The following PDZRN4 variants were observed in gnomAD, a reference collection of about 807,000 sequenced individuals.
PDZRN4 encodes PDZ domain containing ring finger 4.
Under a neutral mutation model 99.0 loss-of-function variants are expected in PDZRN4, and 70 were observed. That is an observed-to-expected ratio of 0.71 (90% CI 0.58 to 0.86). PDZRN4 has a LOEUF of 0.86. Ranked by LOEUF, PDZRN4 falls within the 40% of genes least tolerant of loss-of-function variation. The pLI is 0.00. For missense variants in PDZRN4, 1,474 were observed against 1,331.2 expected (o/e 1.11, Z -1.67); for synonymous variants, 551 against 501.6 (o/e 1.10, Z -1.32).
In PDZRN4 at chr12:41,188,621, T is replaced by C; in HGVS notation, c.166T>C (p.Cys56Arg). The C allele has an allele frequency of 6.5e-7, 1 of 1,539,518 alleles. No homozygotes were observed. Among genetic ancestry groups the C allele is most frequent in the Non-Finnish European group, 8.7e-7 (1 of 1,149,530 alleles). ...AVRRRRCPLQ[C>R]QPLAPGELYR... ...GCGGAGGCGCCGGTGCCCGCTGCAG[T>C]GCCAGCCCTTGGCGCCCGGCGAGCT... Residue 56 changes from cysteine to arginine, a missense_variant, in exon 1 of 10, where the codon TGC becomes CGC. Cys to Arg is a radical substitution (Grantham distance 180, BLOSUM62 -3). Transcript: ENST00000402685.
intron 3 of PDZRN4, among the ~76,000 whole-genome samples, chr12:41,211,307 T>C (rs962186980): frequency 1.3e-5 from 2 of 152,062 alleles, no homozygotes; most frequent in African/African-American, 2.4e-5. Context: ...AGTCCTGGGA[T>C]TGTTCTTAGA....
rs1213240492 is a variant in PDZRN4 at position 41,443,384 on chromosome 12, G to A, written c.844-63072G>A. On this transcript the variant is annotated intron_variant, in intron 3 of 9. Coordinates refer to ENST00000402685, the MANE Select transcript of PDZRN4 (RefSeq NM_001164595.2). ...GGCAGTAGATGTCAATGGATTGGGA[G>A]TTGGAAACTATAAGCAATAGGTATC... Among the ~76,000 whole-genome samples, 7 of 152,096 alleles carry A rather than the reference G, an allele frequency of 4.6e-5. 1 individual carries two copies.
intron 3 of PDZRN4, among the ~76,000 whole-genome samples, chr12:41,278,982 T>C (rs1054341359): frequency 2.6e-5 from 4 of 152,160 alleles, no homozygotes; most frequent in Non-Finnish European, 5.9e-5. Flanking sequence ...TTAAATATCC[T>C]GCCATATTTA....
chr12:41,301,796 G>A (rs1048447100), intron 3 of PDZRN4, among the ~76,000 whole-genome samples: 1 of 151,956 alleles, frequency 6.6e-6, no homozygotes, highest in African/African-American at 2.4e-5. Flanking sequence ...AAGAGCCTGG[G>A]ATTTGCTTGA....
rs140980093 is a variant in PDZRN4, at chr12:41,341,474, T to A, written c.843+147286T>A. On this transcript the variant is annotated intron_variant, in intron 3 of 9. Coordinates refer to ENST00000402685, the MANE Select transcript of PDZRN4 (RefSeq NM_001164595.2). ...AGTATCCTAAAACACTGAAAAACTG[T>A]TTGGACTATTACATGAATCCAGTAG... Among the ~76,000 whole-genome samples the A allele has an allele frequency of 9.0e-3, 1,364 of 151,920 alleles. 17 individuals carry two copies. The highest frequency in any genetic ancestry group is 0.03 in the African/African-American group (1,247 of 41,534).
intron 3 of PDZRN4, among the ~76,000 whole-genome samples, chr12:41,229,206 T>C (rs555460821): frequency 6.6e-6 from 1 of 151,506 alleles, no homozygotes; most frequent in South Asian, 2.1e-4. Flanking sequence ...TTAGATGAAA[T>C]AATGTGCCTG....
At chr12:41,415,747 T>C (rs563957386) in intron 3 of PDZRN4, among the ~76,000 whole-genome samples, 99 of 152,172 alleles carry the variant, frequency 6.5e-4, no homozygotes, top group Admixed American at 4.7e-3. Context: ...AACCTTAACA[T>C]TGAGTTACAG....
intron 4 of PDZRN4, among the ~76,000 whole-genome samples, chr12:41,508,975 T>A (rs1938257204): frequency 6.6e-6 from 1 of 152,202 alleles, no homozygotes. Flanking sequence ...AAAGGCCTTA[T>A]GCTCTTTGCT....
At chr12:41,438,144 TG>T in intron 3 of PDZRN4, 1 of 1,121,360 alleles carries the variant, frequency 8.9e-7, no homozygotes, top group Non-Finnish European at 1.3e-6. Context: ...CTTGCTGGTT[TG>T]GGGCTTTTAA....
At chr12:41,306,022 G>C (rs1274808922) in intron 3 of PDZRN4, among the ~76,000 whole-genome samples, 1 of 152,164 alleles carries the variant, frequency 6.6e-6, no homozygotes, top group Non-Finnish European at 1.5e-5. Context: ...CATAGTACAG[G>C]CATTCTCATT....
intron 4 of PDZRN4, among the ~76,000 whole-genome samples, chr12:41,509,356 C>T (rs1326402525): frequency 6.6e-6 from 1 of 152,052 alleles, no homozygotes; most frequent in Non-Finnish European, 1.5e-5. Context: ...AAAATAAGTG[C>T]TTTTGAAAAT....
chr12:41,390,699 G>A (rs1952204352), intron 3 of PDZRN4, among the ~76,000 whole-genome samples: 2 of 151,958 alleles, frequency 1.3e-5, no homozygotes, highest in African/African-American at 4.8e-5. Context: ...AAATTCCAGT[G>A]TGTTGTTGGT....
chr12:41,347,360 CATT>C (rs1951860838), intron 3 of PDZRN4, among the ~76,000 whole-genome samples: 1 of 152,104 alleles, frequency 6.6e-6, no homozygotes. Flanking sequence ...AGTGGTATCT[CATT>C]GTGGATTTGA....
At chr12:41,231,216 A>C (rs1951027635) in intron 3 of PDZRN4, among the ~76,000 whole-genome samples, 1 of 152,126 alleles carries the variant, frequency 6.6e-6, no homozygotes, top group Non-Finnish European at 1.5e-5. Flanking sequence ...GCCCTTGAGC[A>C]GTAAGATTGC....
chr12:41,542,178 C>G (rs1938869025), intron 5 of PDZRN4, among the ~76,000 whole-genome samples: 1 of 152,136 alleles, frequency 6.6e-6, no homozygotes, highest in South Asian at 2.1e-4. Flanking sequence ...TTTTGAAGAG[C>G]TATTTTCAGT....
At chr12:41,192,074 C>A (rs773534597) in intron 2 of PDZRN4, among the ~76,000 whole-genome samples, 3 of 152,012 alleles carry the variant, frequency 2.0e-5, no homozygotes, top group Non-Finnish European at 4.4e-5. Flanking sequence ...AGCCACCATG[C>A]CTGGCTCTGA....
intron 3 of PDZRN4, among the ~76,000 whole-genome samples, chr12:41,390,423 C>T (rs2121118038): frequency 6.6e-6 from 1 of 151,814 alleles, no homozygotes; most frequent in East Asian, 1.9e-4. Flanking sequence ...TTTTGCTCCC[C>T]ACCCCTAACC....
intron 3 of PDZRN4, among the ~76,000 whole-genome samples, chr12:41,396,073 T>C (rs555397619): frequency 6.6e-6 from 1 of 152,266 alleles, no homozygotes; most frequent in South Asian, 2.1e-4. Context: ...CATTTTACTA[T>C]AAACAGCAAA....
chr12:41,337,379 G>A (rs1229988280), intron 3 of PDZRN4, among the ~76,000 whole-genome samples: 11 of 152,148 alleles, frequency 7.2e-5, no homozygotes, highest in East Asian at 5.8e-4. Flanking sequence ...GGTACCCACA[G>A]GTACCATGTC....
Sources: allele counts gnomAD v4.1 joint callset (sites outside exome capture counted in the v4.1 genomes callset), GRCh38; gene constraint gnomAD v4.1.1; transcripts MANE v1.5; gene names NCBI Gene and HGNC (gene_info 2026-07-23, HGNC 2026-07-21).